Variants in MTMR2 observed in about 807,000 individuals in gnomAD.
MTMR2 encodes the protein myotubularin related protein 2, also known as phosphatidylinositol-3,5-bisphosphate 3-phosphatase MTMR2.
A neutral mutation model predicts 86.9 loss-of-function variants in MTMR2; 55 were observed. The ratio of observed to expected loss-of-function variants is 0.63; its 90% CI spans 0.51 to 0.79. The LOEUF is 0.79. Among genes scored for constraint, MTMR2 ranks in the 30% least tolerant of loss-of-function variants. MTMR2 has a pLI of 0.00. For missense variants in MTMR2, 659 were observed against 772.3 expected (o/e 0.85, Z 1.74); for synonymous variants, 241 against 266.8 (o/e 0.90, Z 0.94).
intron 7 of MTMR2, among the ~76,000 whole-genome samples, chr11:95,856,018 T>TA (rs1565355334): frequency 1.3e-5 from 2 of 151,876 alleles, no homozygotes; most frequent in Admixed American, 1.3e-4. Context: ...CATCTCAATT[T>TA]AAAAAAAAGA....
intron 2 of MTMR2, among the ~76,000 whole-genome samples, chr11:95,875,710 T>G (rs1038542667): frequency 5.3e-5 from 8 of 152,258 alleles, no homozygotes; most frequent in Middle Eastern, 3.4e-3. Flanking sequence ...TCTGCTCTGT[T>G]TTTTCCCCAT....
chr11:95,834,874 CA>C lies in MTMR2; in HGVS notation c.*415del, dbSNP rs112452328. The C allele has an allele frequency of 2.5e-4, 58 of 232,354 alleles. 1 individual carries two copies. The highest frequency in any genetic ancestry group is 1.3e-3 in the African/African-American group (58 of 44,226). The allele number at this position is 232,354 out of a possible 1,614,324, so 14.4% of individuals were successfully genotyped here. A position where few individuals can be genotyped will look rare whatever the true frequency, so the allele number is the denominator to read the frequency against. ...TTTGATCTGTCATGACATCAAGGCC[CA>C]ATATATGTGATGCCACAGAATTTCA... On this transcript the variant is annotated 3_prime_UTR_variant, in exon 15 of 15. Coordinates refer to ENST00000346299, the MANE Select transcript of MTMR2 (RefSeq NM_016156.6).
At chr11:95,853,273 T>C (rs1427153816) in intron 7 of MTMR2, among the ~76,000 whole-genome samples, 2 of 151,976 alleles carry the variant, frequency 1.3e-5, no homozygotes, top group Non-Finnish European at 2.9e-5. Flanking sequence ...ATCCAGTCAG[T>C]GACCAATTTC....
intron 7 of MTMR2, among the ~76,000 whole-genome samples, chr11:95,857,002 A>C (rs1015074508): frequency 3.9e-5 from 6 of 152,108 alleles, no homozygotes; most frequent in Non-Finnish European, 8.8e-5. Context: ...AGGAAATTTC[A>C]ACTTCACTTT....
Position 95,924,000 on chromosome 11 carries a change from G to C in MTMR2, c.-46C>G. 1 of 1,549,096 alleles carries C rather than the reference G, an allele frequency of 6.5e-7. No individual in the cohort carries two copies. Among genetic ancestry groups the C allele is most frequent in the South Asian group, 1.2e-5 (1 of 84,022 alleles). On this transcript the variant is annotated 5_prime_UTR_variant, in exon 1 of 15. Coordinates refer to ENST00000346299, the MANE Select transcript of MTMR2 (RefSeq NM_016156.6). ...GGGAAAGGCTGAAGCAGTCTTCGCG[G>C]CTACAGGGCGGGAGAAGCGGAGGGC...
chr11:95,885,237 T>A (rs1865474776), intron 2 of MTMR2, among the ~76,000 whole-genome samples: 1 of 152,108 alleles, frequency 6.6e-6, no homozygotes, highest in Non-Finnish European at 1.5e-5. Context: ...ACCCTACCCA[T>A]CGTATTATCT....
chr11:95,885,378 G>A (rs1295531275), intron 2 of MTMR2, among the ~76,000 whole-genome samples: 4 of 152,038 alleles, frequency 2.6e-5, no homozygotes, highest in African/African-American at 7.2e-5. Context: ...AAGGAACCAG[G>A]GCTCCTATGA....
At chr11:95,915,970 C>A (rs1866682510) in intron 1 of MTMR2, among the ~76,000 whole-genome samples, 1 of 151,974 alleles carries the variant, frequency 6.6e-6, no homozygotes, top group Non-Finnish European at 1.5e-5. Context: ...AAATCTGACC[C>A]AAGACAAGAC....
At chr11:95,868,898 G>A (rs957048454) in intron 2 of MTMR2, among the ~76,000 whole-genome samples, 4 of 151,202 alleles carry the variant, frequency 2.6e-5, no homozygotes, top group African/African-American at 9.7e-5. Flanking sequence ...GCAGCAGGAA[G>A]TCATTCTCAG....
At chr11:95,923,359 A>AG (rs1217146270) in intron 1 of MTMR2, among the ~76,000 whole-genome samples, 1 of 152,220 alleles carries the variant, frequency 6.6e-6, no homozygotes, top group Non-Finnish European at 1.5e-5. Flanking sequence ...AAGGGAGGCG[A>AG]GAAGAAAATC....
At chr11:95,870,058 G>GAAAA (rs1224800609) in intron 2 of MTMR2, among the ~76,000 whole-genome samples, 1 of 152,074 alleles carries the variant, frequency 6.6e-6, no homozygotes, top group African/African-American at 2.4e-5. Flanking sequence ...TATATCAAAA[G>GAAAA]AAAAATTACA....
chr11:95,905,737 C>T (rs1565384202), intron 1 of MTMR2, among the ~76,000 whole-genome samples: 2 of 152,070 alleles, frequency 1.3e-5, no homozygotes, highest in African/African-American at 2.4e-5. Flanking sequence ...AAACTAAAAT[C>T]AGAACTCTTT....
At chr11:95,914,334 C>T in intron 1 of MTMR2, 1 of 970,626 alleles carries the variant, frequency 1.0e-6, no homozygotes, top group Non-Finnish European at 1.2e-6. Flanking sequence ...CACAAAGGAA[C>T]TTAGGGGAAT....
chr11:95,909,058 TA>T (rs1027378993), intron 1 of MTMR2, among the ~76,000 whole-genome samples: 1 of 152,194 alleles, frequency 6.6e-6, no homozygotes, highest in Non-Finnish European at 1.5e-5. Flanking sequence ...ATCTGATTCT[TA>T]GTCATTCCCA....
At chr11:95,864,229 G>C (rs1310426263) in intron 3 of MTMR2, among the ~76,000 whole-genome samples, 2 of 152,106 alleles carry the variant, frequency 1.3e-5, no homozygotes, top group African/African-American at 4.8e-5. Context: ...TATATGGCAA[G>C]TGATGTTACA....
chr11:95,864,705 A>G (rs1245503860), intron 3 of MTMR2, among the ~76,000 whole-genome samples: 3 of 152,192 alleles, frequency 2.0e-5, no homozygotes, highest in Non-Finnish European at 4.4e-5. Context: ...TTATTCAATC[A>G]AGAGCCAAGA....
rs552334 is a variant in MTMR2, at chr11:95,862,530, T to C, written c.263-164A>G. 0.63 allele frequency among the ~76,000 whole-genome samples: 95,097 copies of C among 152,028 alleles called. 31,410 individuals are homozygous for C. The highest frequency in any genetic ancestry group is 0.85 in the African/African-American group (35,127 of 41,492). Reference sequence around the variant, plus strand: ...AATCCTACAACCCAAGCTTCCATCCTTGCACTAATCTGGGGAAGAAACACA... The same window carrying C: ...AATCCTACAACCCAAGCTTCCATCCCTGCACTAATCTGGGGAAGAAACACA... On this transcript the variant is annotated intron_variant, in intron 3 of 14. Coordinates refer to ENST00000346299, the MANE Select transcript of MTMR2 (RefSeq NM_016156.6).
intron 2 of MTMR2, among the ~76,000 whole-genome samples, chr11:95,882,136 C>T (rs74892064): frequency 1.3e-5 from 2 of 152,242 alleles, no homozygotes; most frequent in African/African-American, 4.8e-5. Context: ...TATGAGACTC[C>T]TTAACTCATT....
intron 2 of MTMR2, among the ~76,000 whole-genome samples, chr11:95,886,249 A>T (rs1865507852): frequency 6.6e-6 from 1 of 152,210 alleles, no homozygotes; most frequent in Non-Finnish European, 1.5e-5. Context: ...CTAATGTAAG[A>T]TGTTATAATG....
Sources: gnomAD v4.1 joint callset for allele counts (sites outside exome capture counted in the v4.1 genomes callset) on GRCh38, gnomAD v4.1.1 for gene constraint, MANE v1.5 for transcripts, NCBI Gene and HGNC (gene_info 2026-07-23, HGNC 2026-07-21) for gene names.